Variants in C13orf42 observed in about 807,000 individuals in gnomAD.
The protein encoded by C13orf42 is chromosome 13 open reading frame 42, also known as uncharacterized protein C13orf42.
At chr13:51,153,664 G>A (rs560773418) in intron 1 of C13orf42, among the ~76,000 whole-genome samples, 10 of 105,456 alleles carry the variant, frequency 9.5e-5, no homozygotes, top group African/African-American at 3.3e-4. Flanking sequence ...TTTGGAGACA[G>A]GATCTCGCTT....
intron 1 of C13orf42, among the ~76,000 whole-genome samples, chr13:51,162,964 A>C (rs1039350631): frequency 4.6e-5 from 7 of 152,220 alleles, no homozygotes; most frequent in Non-Finnish European, 1.0e-4. Context: ...CCTCACGAAC[A>C]GCTTAAGTAA....
intron 1 of C13orf42, among the ~76,000 whole-genome samples, chr13:51,170,303 G>C (rs961929738): frequency 3.9e-5 from 6 of 152,074 alleles, no homozygotes; most frequent in Admixed American, 6.6e-5. Context: ...CTCTTCACAC[G>C]GACGCGCATG....
At position 51,162,574 on chromosome 13, in the gene C13orf42, C is replaced by T. The variant is rs117242966; in HGVS notation, n.136+9679G>A. 1.8e-4 allele frequency among the ~76,000 whole-genome samples: 27 copies of T among 152,238 alleles called. No individual in the cohort carries two copies. In the East Asian group the frequency reaches 4.6e-3, roughly 26 times the overall value. ...CCTTGGTCTTGTTTATTAGTATCCC[C>T]GGTAATTTTTGTTGGATACTGGACA... On this transcript the variant is annotated intron_variant and non_coding_transcript_variant, in intron 1 of 4. Transcript: ENST00000433280.
At chr13:51,100,802 C>T (rs2137990320) in intron 1 of C13orf42, among the ~76,000 whole-genome samples, 1 of 152,268 alleles carries the variant, frequency 6.6e-6, no homozygotes, top group East Asian at 1.9e-4. Context: ...GCCTTCAACC[C>T]ATTAATCACA....
intron 1 of C13orf42, among the ~76,000 whole-genome samples, chr13:51,101,764 A>C (rs1953295001): frequency 6.6e-6 from 1 of 152,234 alleles, no homozygotes; most frequent in Admixed American, 6.5e-5. Context: ...CAGTGTGCTG[A>C]GTGCTAAAAC....
At position 51,090,315 on chromosome 13, in the gene C13orf42, A is replaced by G. The variant is rs1456007209; in HGVS notation, c.415-2240T>C. 2.0e-5 allele frequency among the ~76,000 whole-genome samples: 3 copies of G among 152,146 alleles called. No individual in the cohort carries two copies. The East Asian group carries it at 5.8e-4, about 29-fold the overall frequency. On this transcript the variant is annotated intron_variant, in intron 1 of 3. Coordinates refer to ENST00000563710, the MANE Select transcript of C13orf42 (RefSeq NM_001351589.3). The stretch of plus-strand genomic sequence containing the variant: ...CTCCTGGGCTAAGTTTCCATCCTCT[A>G]GGTTCCCATGGGTCTCATTACCTAA...
At chr13:51,166,845 G>A (rs1037943573) in intron 1 of C13orf42, among the ~76,000 whole-genome samples, 12 of 152,132 alleles carry the variant, frequency 7.9e-5, no homozygotes, top group Admixed American at 5.2e-4. Context: ...TTGGGAGGCC[G>A]AGGCGGGCGC....
intron 1 of C13orf42, among the ~76,000 whole-genome samples, chr13:51,092,182 T>C (rs1264993954): frequency 1.3e-5 from 2 of 152,220 alleles, no homozygotes; most frequent in East Asian, 3.8e-4. Flanking sequence ...AACGTGTCCC[T>C]AGTTGGGGGA....
At chr13:51,142,742 G>A (rs1566137753) in intron 1 of C13orf42, among the ~76,000 whole-genome samples, 1 of 151,506 alleles carries the variant, frequency 6.6e-6, no homozygotes, top group Non-Finnish European at 1.5e-5. Context: ...TGTAAAGAAA[G>A]TAATACAAAT....
chr13:51,111,487 T>G (rs1953433375), upstream of C13orf42, among the ~76,000 whole-genome samples: 1 of 152,202 alleles, frequency 6.6e-6, no homozygotes, highest in East Asian at 1.9e-4. Flanking sequence ...GCTGGCTTTA[T>G]GAAGCATTGA....
chr13:51,122,864 T>C (rs748834127), intron 1 of C13orf42, among the ~76,000 whole-genome samples: 1 of 152,220 alleles, frequency 6.6e-6, no homozygotes, highest in Non-Finnish European at 1.5e-5. Context: ...AAACACCCAC[T>C]GTTATTCTAT....
At chr13:51,096,955 T>C (rs1474548636) in intron 1 of C13orf42, among the ~76,000 whole-genome samples, 3 of 152,196 alleles carry the variant, frequency 2.0e-5, no homozygotes, top group Admixed American at 2.0e-4. Context: ...TGTTTATCTT[T>C]CTATCATTTC....
chr13:51,147,254 CAGG>C (rs1335752026), intron 1 of C13orf42, among the ~76,000 whole-genome samples: 3 of 152,212 alleles, frequency 2.0e-5, no homozygotes, highest in African/African-American at 7.2e-5. Context: ...ATCTCCTACA[CAGG>C]AGAACAGTCT....
intron 1 of C13orf42, among the ~76,000 whole-genome samples, chr13:51,094,383 T>C (rs1953211643): frequency 6.6e-6 from 1 of 152,212 alleles, no homozygotes; most frequent in Non-Finnish European, 1.5e-5. Flanking sequence ...TATTTGCAAC[T>C]CAAACTAAAA....
rs190776429 is a variant in C13orf42, at chr13:51,120,692, T to A, written n.137-7470A>T. Among the ~76,000 whole-genome samples, 4 of 152,240 alleles carry A rather than the reference T, an allele frequency of 2.6e-5. No homozygotes were observed. In the East Asian group the frequency reaches 7.7e-4, roughly 29 times the overall value. ...GTTCTGTCAGTCATTGCTGTGTGAT[T>A]TTGGGAAAGCCTTTGGTTTCTTCTT... On this transcript the variant is annotated intron_variant and non_coding_transcript_variant, in intron 1 of 4. Transcript: ENST00000433280.
At chr13:51,112,781 C>T (rs1049234964), upstream of C13orf42, among the ~76,000 whole-genome samples, 28 of 152,122 alleles carry the variant, frequency 1.8e-4, no homozygotes, top group African/African-American at 5.8e-4. Context: ...CTCAATCAGG[C>T]GAGTGCAGAA....
chr13:51,104,953 G>A (rs73188235), intron 1 of C13orf42, among the ~76,000 whole-genome samples: 6,130 of 152,200 alleles, frequency 0.04, 114 homozygotes, highest in Non-Finnish European at 0.045. Flanking sequence ...CATCCCATAC[G>A]TGACCCTGGA....
intron 1 of C13orf42, among the ~76,000 whole-genome samples, chr13:51,091,424 G>A (rs1425692563): frequency 6.6e-6 from 1 of 152,060 alleles, no homozygotes. Context: ...GATAAGGCAG[G>A]GGCATAAACA....
intron 1 of C13orf42, among the ~76,000 whole-genome samples, chr13:51,142,982 ATATTGT>A (rs1264579825): frequency 2.0e-5 from 3 of 152,198 alleles, no homozygotes; most frequent in Admixed American, 2.0e-4. Flanking sequence ...TCAAGTTGTC[ATATTGT>A]TATTAAGTTT....
Sources: gnomAD v4.1 joint callset for allele counts (sites outside exome capture counted in the v4.1 genomes callset) on GRCh38, gnomAD v4.1.1 for gene constraint, MANE v1.5 for transcripts, NCBI Gene and HGNC (gene_info 2026-07-23, HGNC 2026-07-21) for gene names.